TRHDE: variants seen among roughly 807,000 people sequenced by gnomAD.
TRHDE encodes thyrotropin releasing hormone degrading enzyme, also known as thyrotropin-releasing hormone-degrading ectoenzyme.
TRHDE carries 72 observed loss-of-function variants against 125.7 expected under a neutral mutation model. The ratio of observed to expected loss-of-function variants is 0.57; its 90% confidence interval spans 0.47 to 0.70. TRHDE has a LOEUF of 0.70. Among genes scored for constraint, TRHDE ranks in the 30% least tolerant of loss-of-function variants. The pLI is 0.00. For synonymous variants in TRHDE, 509 were observed against 509.1 expected, an observed-to-expected ratio of 1.00 and a Z score of 0.00; for missense variants, 1,110 against 1,327.1, an observed-to-expected ratio of 0.84 and a Z score of 2.54.
In TRHDE at chr12:72,653,077, A is replaced by G; in HGVS notation, c.2905A>G (p.Ile969Val). Residue 969 changes from isoleucine (I) to valine (V), a missense_variant, in exon 17 of 19, where the codon ATC becomes GTC. By Grantham distance (29) the Ile-to-Val change is conservative (BLOSUM62 3). This residue lies in a region of TRHDE where 527 missense variants were observed against 651.8 expected (regional missense o/e 0.81). Coordinates refer to ENST00000261180, the MANE Select transcript of TRHDE (RefSeq NM_013381.3). Reference sequence around the variant, plus strand: ...GGATCAAGATGCAATTGATGTCATAATCCATGTAGCTCGAAATCCACATGG... The same window carrying G: ...GGATCAAGATGCAATTGATGTCATAGTCCATGTAGCTCGAAATCCACATGG... ...VLDQDAIDVIIHVARNPHGRD... is the reference protein window; with the variant it reads ...VLDQDAIDVIVHVARNPHGRD... The G allele has an allele frequency of 1.2e-6, 2 of 1,608,874 alleles. No homozygotes were observed. The highest frequency in any genetic ancestry group is 1.7e-6 in the Non-Finnish European group (2 of 1,176,910).
rs544462700 is a variant in TRHDE at position 72,320,667 on chromosome 12, A to C, written c.1188+33713A>C. 3.9e-5 allele frequency among the ~76,000 whole-genome samples: 6 copies of C among 152,090 alleles called. No individual in the cohort carries two copies. The South Asian group carries it at 1.2e-3, about 32-fold the overall frequency. ...TTAATTTCTATCACTGCAGAGTTTT[A>C]CCTTGATAAAAAGGATATATTTTTA... On this transcript the variant is annotated intron_variant, in intron 2 of 18. Transcript: ENST00000261180.
intron 17 of TRHDE, among the ~76,000 whole-genome samples, chr12:72,654,981 C>T (rs1025879849): frequency 2.6e-5 from 4 of 152,292 alleles, no homozygotes; most frequent in Admixed American, 2.6e-4. Flanking sequence ...ATTTAAGCCC[C>T]TTAATATGTC....
chr12:72,475,947 C>T (rs1482171017), intron 5 of TRHDE, among the ~76,000 whole-genome samples: 2 of 151,944 alleles, frequency 1.3e-5, no homozygotes, highest in Non-Finnish European at 2.9e-5. Context: ...GACAGAGTCT[C>T]ACTTTGTGGC....
chr12:72,186,202 GC>G (rs1877205002), intron 2 of TRHDE: 1 of 166,984 alleles, frequency 6.0e-6, no homozygotes, highest in African/African-American at 2.4e-5. Context: ...TGTAACACTT[GC>G]CGCGAAGATC....
intron 2 of TRHDE, among the ~76,000 whole-genome samples, chr12:72,127,636 C>G (rs573993587): frequency 6.6e-6 from 1 of 152,044 alleles, no homozygotes; most frequent in African/African-American, 2.4e-5. Flanking sequence ...GCAATGAGTA[C>G]TCATGGACAT....
chr12:72,473,309 C>A, intron 5 of TRHDE, 129 bp downstream of exon 5: 1 of 614,334 alleles, frequency 1.6e-6, no homozygotes, highest in Non-Finnish European at 2.8e-6. Context: ...AAAGTGTAAC[C>A]AAAAATTGAA....
intron 2 of TRHDE, among the ~76,000 whole-genome samples, chr12:72,170,376 C>T (rs1287022149): frequency 6.6e-6 from 1 of 152,138 alleles, no homozygotes; most frequent in Admixed American, 6.5e-5. Context: ...CCAACAAGGA[C>T]ACGCAATGAG....
At chr12:72,158,942 T>C (rs1876577124) in intron 2 of TRHDE, among the ~76,000 whole-genome samples, 1 of 152,200 alleles carries the variant, frequency 6.6e-6, no homozygotes, top group South Asian at 2.1e-4. Flanking sequence ...GGCCAATCAA[T>C]GTGCCAAGTG....
At chr12:72,224,091 C>CATCT (rs755241021) in intron 2 of TRHDE, among the ~76,000 whole-genome samples, 4,219 of 49,900 alleles carry the variant, frequency 0.085, 109 homozygotes, top group Middle Eastern at 0.18. Context: ...TCTATCTATC[C>CATCT]ATCTATCTAT....
At chr12:72,662,963 A>G in intron 18 of TRHDE, 89 bp from the exon 19 acceptor site, 3 of 1,344,824 alleles carry the variant, frequency 2.2e-6, no homozygotes, top group Non-Finnish European at 3.1e-6. Context: ...TTGTTTTTTA[A>G]TGTTTCAAAT....
Position 72,233,878 on chromosome 12 carries a change from C to T in TRHDE, n.279+128126C>T, listed in dbSNP as rs1161087428. 3.9e-5 allele frequency among the ~76,000 whole-genome samples: 6 copies of T among 152,060 alleles called. No homozygotes were observed. In the South Asian group the frequency reaches 8.3e-4, roughly 21 times the overall value. On this transcript the variant is annotated intron_variant and non_coding_transcript_variant, in intron 2 of 4. Transcript: ENST00000548156. ...AGATTTTTTTTCAGCCAATGCAATA[C>T]TTGCTTTGTTTTGTCACCTAATTTT...
intron 3 of TRHDE, among the ~76,000 whole-genome samples, chr12:72,453,304 A>G (rs1378738261): frequency 6.6e-6 from 1 of 152,182 alleles, no homozygotes; most frequent in Non-Finnish European, 1.5e-5. Context: ...GATTGTGTAA[A>G]TGCCCTAGGG....
chr12:72,143,447 AT>A (rs1876162156), intron 2 of TRHDE, among the ~76,000 whole-genome samples: 2 of 152,004 alleles, frequency 1.3e-5, no homozygotes, highest in African/African-American at 4.8e-5. Context: ...GGGAGAGAGC[AT>A]TCTGTTTTCT....
rs139403598 is a variant in TRHDE, at chr12:72,347,630, G to A, written c.1189-30365G>A. ...GGTTGTTCACAGAATTCAGTTCCTCGTGGGTTGTTGGGCTGAGGGCTTCAG... is the reference window on the plus strand; with the variant it reads ...GGTTGTTCACAGAATTCAGTTCCTCATGGGTTGTTGGGCTGAGGGCTTCAG... On this transcript the variant is annotated intron_variant, in intron 2 of 18. Coordinates refer to ENST00000261180, the MANE Select transcript of TRHDE (RefSeq NM_013381.3). 2.9e-3 allele frequency among the ~76,000 whole-genome samples: 448 copies of A among 152,100 alleles called. 4 individuals are homozygous for A. The highest frequency in any genetic ancestry group is 0.01 in the African/African-American group (419 of 41,494).
chr12:72,328,578 T>A (rs943093716), intron 2 of TRHDE, among the ~76,000 whole-genome samples: 4 of 152,152 alleles, frequency 2.6e-5, no homozygotes, highest in African/African-American at 9.7e-5. Context: ...ACGTATCATC[T>A]TTATTCTAGA....
Position 72,397,607 on chromosome 12 carries a change from T to A in TRHDE, c.1315+19486T>A, listed in dbSNP as rs541820078. 2.6e-5 allele frequency among the ~76,000 whole-genome samples: 4 copies of A among 152,282 alleles called. No homozygotes were observed. The South Asian group carries it at 8.3e-4, about 32-fold the overall frequency. On this transcript the variant is annotated intron_variant, in intron 3 of 18. Transcript: ENST00000261180. ...CCTATTGATACAATCTTTTTATGCT[T>A]ATTTGAATGCATCACTTTTATTTCC...
At chr12:72,242,914 G>A (rs1335792311) in intron 2 of TRHDE, among the ~76,000 whole-genome samples, 1 of 152,186 alleles carries the variant, frequency 6.6e-6, no homozygotes, top group Non-Finnish European at 1.5e-5. Context: ...CTAAGGAATG[G>A]CATTTAACTC....
chr12:72,458,545 A>G (rs1367674507), intron 3 of TRHDE, among the ~76,000 whole-genome samples: 3 of 151,950 alleles, frequency 2.0e-5, no homozygotes. Flanking sequence ...TGTGTTGATG[A>G]CTTCTTAAAT....
chr12:72,351,684 C>T (rs2135741073), intron 2 of TRHDE, among the ~76,000 whole-genome samples: 1 of 151,968 alleles, frequency 6.6e-6, no homozygotes, highest in East Asian at 1.9e-4. Flanking sequence ...AATTGGTTTC[C>T]ATTCTTAGTG....
Sources: allele counts gnomAD v4.1 joint callset (sites outside exome capture counted in the v4.1 genomes callset), GRCh38; gene constraint gnomAD v4.1.1; regional missense constraint gnomAD v4.1.1; transcripts MANE v1.5; gene names NCBI Gene and HGNC (gene_info 2026-07-23, HGNC 2026-07-21).